The following RPS6KA5 variants were observed in gnomAD, a reference collection of about 807,000 sequenced individuals.
The protein encoded by RPS6KA5 is ribosomal protein S6 kinase alpha-5.
Under a neutral mutation model 85.5 loss-of-function variants are expected in RPS6KA5, and 27 were observed. The observed-to-expected ratio is 0.32, with a 90% CI of 0.23 to 0.44. The LOEUF is 0.44. Among genes scored for constraint, RPS6KA5 ranks in the 20% least tolerant of loss-of-function variants. The pLI is 1.00. For synonymous variants in RPS6KA5, 334 were observed against 348.2 expected (o/e 0.96, Z 0.46); for missense variants, 811 against 980.9 (o/e 0.83, Z 2.31).
At chr14:91,052,970 A>C (rs2043158824) in intron 1 of RPS6KA5, among the ~76,000 whole-genome samples, 1 of 152,226 alleles carries the variant, frequency 6.6e-6, no homozygotes. Flanking sequence ...AATCCTTAAT[A>C]AAATACAAGC....
At position 90,856,881 on chromosome 14, in the gene RPS6KA5, C is replaced by A; in HGVS notation, c.*15193G>T. 2 of 170,748 alleles carry A rather than the reference C, an allele frequency of 1.2e-5. No homozygotes were observed. Among genetic ancestry groups the A allele is most frequent in the South Asian group, 3.0e-4 (2 of 6,570 alleles). 10.6% of individuals were successfully genotyped at this position (170,748 alleles called of 1,614,324 possible). A position where few individuals can be genotyped will look rare whatever the true frequency, so the allele number is the denominator to read the frequency against. ...ATCTTTCTGTCTCTATGGATTTGCCCATTCTGGACATTTCATGTAAGTGGA... is the reference window on the plus strand; with the variant it reads ...ATCTTTCTGTCTCTATGGATTTGCCAATTCTGGACATTTCATGTAAGTGGA... On this transcript the variant is annotated 3_prime_UTR_variant, in exon 17 of 17. Coordinates refer to ENST00000614987, the MANE Select transcript of RPS6KA5 (RefSeq NM_004755.4).
intron 1 of RPS6KA5, among the ~76,000 whole-genome samples, chr14:91,026,879 A>AGGAG (rs2042008940): frequency 6.6e-6 from 1 of 152,108 alleles, no homozygotes; most frequent in East Asian, 1.9e-4. Context: ...ATGATTAGCG[A>AGGAG]TGTTGAGCAT....
At chr14:90,965,668 A>T (rs146338438) in intron 3 of RPS6KA5, among the ~76,000 whole-genome samples, 31 of 152,288 alleles carry the variant, frequency 2.0e-4, no homozygotes, top group African/African-American at 6.7e-4. Flanking sequence ...TGCCAGACCC[A>T]GGTGACACAT....
chr14:90,894,955 T>C (rs1409939924), intron 12 of RPS6KA5, among the ~76,000 whole-genome samples: 1 of 152,230 alleles, frequency 6.6e-6, no homozygotes, highest in Admixed American at 6.5e-5. Context: ...GAGCTGGGGC[T>C]ATAGGTGTGC....
At chr14:90,975,790 T>C (rs1234245096) in intron 3 of RPS6KA5, among the ~76,000 whole-genome samples, 1 of 152,232 alleles carries the variant, frequency 6.6e-6, no homozygotes, top group Non-Finnish European at 1.5e-5. Context: ...GGTCCTCTTC[T>C]AAATTCCTGA....
rs557116659 is a variant in RPS6KA5 at position 90,917,568 on chromosome 14, A to G, written c.806+2638T>C. On this transcript the variant is annotated intron_variant, in intron 7 of 16. Transcript: ENST00000614987. ...CTGTAATCTCTCCTGACCTCCCCCA[A>G]TCCCAGTCCCTAGGCAACTGCTATT... Among the ~76,000 whole-genome samples the G allele has an allele frequency of 4.6e-5, 7 of 152,198 alleles. No individual in the cohort carries two copies. The South Asian group carries it at 8.3e-4, about 18-fold the overall frequency.
At chr14:91,009,998 G>A (rs2041189163) in intron 1 of RPS6KA5, among the ~76,000 whole-genome samples, 1 of 149,656 alleles carries the variant, frequency 6.7e-6, no homozygotes, top group Non-Finnish European at 1.5e-5. Flanking sequence ...GGAAGTGCAT[G>A]AAGACTGAGA....
intron 3 of RPS6KA5, among the ~76,000 whole-genome samples, chr14:90,973,089 T>C (rs867053878): frequency 1.3e-5 from 2 of 152,216 alleles, no homozygotes; most frequent in Non-Finnish European, 2.9e-5. Flanking sequence ...TCTCAAACAA[T>C]GCTGATGGGA....
intron 6 of RPS6KA5, among the ~76,000 whole-genome samples, chr14:90,921,692 C>A (rs1205777563): frequency 1.3e-5 from 2 of 152,172 alleles, no homozygotes; most frequent in Non-Finnish European, 1.5e-5. Context: ...AGATTCTTAG[C>A]CCTGGGTTCC....
intron 3 of RPS6KA5, among the ~76,000 whole-genome samples, chr14:90,977,725 G>T (rs1030722169): frequency 2.0e-5 from 3 of 152,122 alleles, no homozygotes; most frequent in Non-Finnish European, 4.4e-5. Flanking sequence ...GCTCAGGGAG[G>T]TAGATACCCC....
intron 1 of RPS6KA5, among the ~76,000 whole-genome samples, chr14:91,034,300 C>G (rs2042309258): frequency 6.8e-6 from 1 of 146,002 alleles, no homozygotes; most frequent in Non-Finnish European, 1.5e-5. Context: ...AGTAAAAACC[C>G]TGTCTCAAAA....
chr14:90,851,617 T>C lies in RPS6KA5; in HGVS notation c.*20457A>G, dbSNP rs1273463686. The C allele has an allele frequency of 6.6e-6, 1 of 152,156 alleles. No individual in the cohort carries two copies. The highest frequency in any genetic ancestry group is 1.5e-5 in the Non-Finnish European group (1 of 68,036). The allele number at this position is 152,156 out of a possible 1,614,324, so 9.4% of individuals were successfully genotyped here. A position where few individuals can be genotyped will look rare whatever the true frequency, so the allele number is the denominator to read the frequency against. On this transcript the variant is annotated 3_prime_UTR_variant, in exon 17 of 17. Transcript: ENST00000614987. ...ACTGCCTTTTCCACAAAATCCTCAG[T>C]AATACTCAGAGAGAGTGTCATATCT...
chr14:90,879,152 C>T (rs1450647658), intron 14 of RPS6KA5, among the ~76,000 whole-genome samples: 1 of 152,234 alleles, frequency 6.6e-6, no homozygotes, highest in Non-Finnish European at 1.5e-5. Context: ...GTGCTAAGAT[C>T]AGCAGATGCC....
At position 90,854,000 on chromosome 14, in the gene RPS6KA5, A is replaced by G. The variant is rs2032148709; in HGVS notation, c.*18074T>C. On this transcript the variant is annotated 3_prime_UTR_variant, in exon 17 of 17. Transcript: ENST00000614987. ...TTAAGGAGTGAGGGGCAGTCTTATTAATTTGGTATTGTAAGCCCCCAATAC... is the reference window on the plus strand; with the variant it reads ...TTAAGGAGTGAGGGGCAGTCTTATTGATTTGGTATTGTAAGCCCCCAATAC... The G allele has an allele frequency of 6.6e-6, 1 of 152,220 alleles. No individual in the cohort carries two copies. The allele number at this position is 152,220 out of a possible 1,614,324, so 9.4% of individuals were successfully genotyped here. A position where few individuals can be genotyped will look rare whatever the true frequency, so the allele number is the denominator to read the frequency against.
rs769592023 is a variant in RPS6KA5, at chr14:90,902,936, C to A, written c.991G>T (p.Val331Leu). 3.1e-6 allele frequency: 5 copies of A among 1,612,910 alleles called. No individual in the cohort carries two copies. The highest frequency in any genetic ancestry group is 4.2e-6 in the Non-Finnish European group (5 of 1,179,414). ...ATGACTGGCTTAAATGGTGCAGGCA[C>A]TTTTTTGGCGGCTAAATCATCCCAA... ...INWDDLAAKK[V>L]PAPFKPVIRD... The change falls in exon 9 of 17, where the codon GTG becomes TTG. Residue 331 changes from valine to leucine, a missense_variant. This residue lies in a region of RPS6KA5 where 650 missense variants were observed against 793.4 expected (regional missense o/e 0.82). Coordinates refer to ENST00000614987, the MANE Select transcript of RPS6KA5 (RefSeq NM_004755.4).
chr14:91,038,152 GA>G (rs1263435512), intron 1 of RPS6KA5, among the ~76,000 whole-genome samples: 1 of 152,120 alleles, frequency 6.6e-6, no homozygotes, highest in Non-Finnish European at 1.5e-5. Flanking sequence ...GAGGACTCAG[GA>G]AAATTAAGGA....
intron 3 of RPS6KA5, among the ~76,000 whole-genome samples, chr14:90,952,940 T>C (rs1427769103): frequency 6.6e-6 from 1 of 152,214 alleles, no homozygotes; most frequent in Non-Finnish European, 1.5e-5. Flanking sequence ...TTGGATTAAG[T>C]CTATGGGGAG....
At chr14:90,963,832 T>C (rs1484936494) in intron 3 of RPS6KA5, among the ~76,000 whole-genome samples, 7 of 152,104 alleles carry the variant, frequency 4.6e-5, no homozygotes, top group Non-Finnish European at 8.8e-5. Flanking sequence ...ACTACTTAAG[T>C]GAAACAGAGA....
chr14:91,019,663 C>G (rs1419707883), intron 1 of RPS6KA5, among the ~76,000 whole-genome samples: 1 of 152,148 alleles, frequency 6.6e-6, no homozygotes, highest in Non-Finnish European at 1.5e-5. Flanking sequence ...CATAACACTG[C>G]AAAAGTAATA....
Sources: allele counts gnomAD v4.1 joint callset (sites outside exome capture counted in the v4.1 genomes callset), GRCh38; gene constraint gnomAD v4.1.1; regional missense constraint gnomAD v4.1.1; transcripts MANE v1.5; gene names NCBI Gene and HGNC (gene_info 2026-07-23, HGNC 2026-07-21).